Variants in HEATR1 observed in about 807,000 individuals in gnomAD.
HEATR1 encodes the protein HEAT repeat-containing protein 1.
In HEATR1, 77 loss-of-function variants were observed where a neutral mutation model predicts 248.2. The ratio of observed to expected loss-of-function variants is 0.31; its 90% CI spans 0.26 to 0.37. HEATR1 has a LOEUF of 0.37. Ranked by LOEUF, HEATR1 falls within the 10% of genes least tolerant of loss-of-function variation. The pLI, the probability that HEATR1 is intolerant of heterozygous loss-of-function variation, is 1.00. For missense variants in HEATR1, 2,420 were observed against 2,504.9 expected, an observed-to-expected ratio of 0.97 and a Z score of 0.72; for synonymous variants, 897 against 923.1, an observed-to-expected ratio of 0.97 and a Z score of 0.51.
chr1:236,587,796 C>A, intron 13 of HEATR1, 152 bp downstream of exon 13: 2 of 524,002 alleles, frequency 3.8e-6, no homozygotes. Context: ...GTGAGTTTCT[C>A]CTAACCAGAC....
Position 236,554,756 on chromosome 1 carries a change from T to G in HEATR1, c.5924-4A>C. The G allele has an allele frequency of 6.2e-7, 1 of 1,607,880 alleles. No homozygotes were observed. Among genetic ancestry groups the G allele is most frequent in the Non-Finnish European group, 8.5e-7 (1 of 1,178,308 alleles). On this transcript the variant is annotated splice_region_variant and splice_polypyrimidine_tract_variant and intron_variant, in intron 41 of 44. Transcript: ENST00000366582. Reference sequence around the variant, plus strand: ...TCAGAGTCAAAAAATGCTTCATCTGTAGACGTGGGAAGAGTAAAAATGAAA... The same window carrying G: ...TCAGAGTCAAAAAATGCTTCATCTGGAGACGTGGGAAGAGTAAAAATGAAA...
Position 236,564,492 on chromosome 1 carries a change from C to T in HEATR1, c.4599+6G>A, listed in dbSNP as rs769744878. 6.2e-7 allele frequency: 1 copy of T among 1,612,174 alleles called. No individual in the cohort carries two copies. The highest frequency in any genetic ancestry group is 8.5e-7 in the Non-Finnish European group (1 of 1,179,436). On this transcript the variant is annotated splice_donor_region_variant and intron_variant, in intron 32 of 44. Coordinates refer to ENST00000366582, the MANE Select transcript of HEATR1 (RefSeq NM_018072.6). The stretch of plus-strand genomic sequence containing the variant: ...TTTTTATAAACACATTTAAAGAACA[C>T]ATTACCTTTTTCAGAAAATTATTGG...
chr1:236,598,975 T>C (rs1486309029), intron 4 of HEATR1, among the ~76,000 whole-genome samples: 1 of 152,230 alleles, frequency 6.6e-6, no homozygotes, highest in African/African-American at 2.4e-5. Context: ...CTTTTCTTAG[T>C]CTGTAAATTA....
In HEATR1 at chr1:236,595,584, T is replaced by C. The variant is rs761957349; in HGVS notation, c.1046A>G (p.Tyr349Cys). The C allele has an allele frequency of 1.9e-5, 30 of 1,611,142 alleles. No individual in the cohort carries two copies. Among genetic ancestry groups the C allele is most frequent in the Admixed American group, 1.0e-4 (6 of 60,000 alleles). ...GGAGACGACCAGATGGGGAAGCATG[T>C]AATGCAGAAGAGGACTGACATCGTA... ...ETYDVSPLLH[Y>C]MLPHLVVSII... is the part of the protein sequence containing the mutation. Residue 349 changes from tyrosine to cysteine, a missense_variant, in exon 8 of 45, where the codon TAC becomes TGC. By Grantham distance (194) the Tyr-to-Cys change is radical (BLOSUM62 -2). Coordinates refer to ENST00000366582, the MANE Select transcript of HEATR1 (RefSeq NM_018072.6).
chr1:236,551,349 A>G (rs994646777), intron 44 of HEATR1: 3 of 203,978 alleles, frequency 1.5e-5, no homozygotes, highest in Non-Finnish European at 3.0e-5. Context: ...GGACTGATCT[A>G]CTTGCTCCAC....
chr1:236,574,710 T>C lies in HEATR1; in HGVS notation c.3278A>G (p.Lys1093Arg). The change falls in exon 23 of 45, where the codon AAG (lysine) becomes AGG (arginine). Residue 1093 changes from lysine (K) to arginine (R), a missense_variant. Physicochemically the swap from Lys to Arg is conservative, Grantham distance 26 (BLOSUM62 2). Coordinates refer to ENST00000366582, the MANE Select transcript of HEATR1 (RefSeq NM_018072.6). ...DIFIKAVHTT[K>R]ELYAGMPTIQ... ...GGTTGGCATTCCCGCGTAAAGTTCCTTTGTTGTGTGCACAGCTTTTATAAA... is the reference window on the plus strand; with the variant it reads ...GGTTGGCATTCCCGCGTAAAGTTCCCTTGTTGTGTGCACAGCTTTTATAAA... 6.2e-7 allele frequency: 1 copy of C among 1,614,026 alleles called. No homozygotes were observed. The highest frequency in any genetic ancestry group is 8.5e-7 in the Non-Finnish European group (1 of 1,179,898).
intron 32 of HEATR1, among the ~76,000 whole-genome samples, chr1:236,563,895 G>A (rs1205976068): frequency 2.0e-5 from 3 of 152,160 alleles, no homozygotes; most frequent in Non-Finnish European, 4.4e-5. Context: ...TGGGAGGATC[G>A]CTTGAGGCCA....
At chr1:236,559,176 AT>A in intron 34 of HEATR1, 41 bp from the exon 35 acceptor site, 1 of 1,504,382 alleles carries the variant, frequency 6.6e-7, no homozygotes, top group Non-Finnish European at 8.9e-7. Flanking sequence ...AGAAAAACAA[AT>A]TAAAAAAAAA....
In HEATR1 at chr1:236,565,960, T is replaced by C; in HGVS notation, c.4394A>G (p.Asn1465Ser). 2 of 1,614,020 alleles carry C rather than the reference T, an allele frequency of 1.2e-6. No homozygotes were observed. Among genetic ancestry groups the C allele is most frequent in the African/African-American group, 1.3e-5 (1 of 75,068 alleles). The change falls in exon 31 of 45, where the codon AAT becomes AGT. Residue 1465 changes from asparagine to serine, a missense_variant. Asn to Ser is a conservative substitution (Grantham distance 46). Coordinates refer to ENST00000366582, the MANE Select transcript of HEATR1 (RefSeq NM_018072.6). ...CAGCTTTAGTAAGTACTGGAGGATA[T>C]TCATCAAGCTTTGTATCTGATGCTG... ...SVQHQIQSLMNILQYLLKLPE... is the reference protein window; with the variant it reads ...SVQHQIQSLMSILQYLLKLPE...
chr1:236,586,037 AG>A (rs2103146149), intron 15 of HEATR1, 96 bp from the exon 16 acceptor site: 1 of 1,468,286 alleles, frequency 6.8e-7, no homozygotes, highest in Admixed American at 2.0e-5. Context: ...TTGTTTATGA[AG>A]GTTTGCTTTC....
At chr1:236,574,531 G>A (rs923878098) in intron 23 of HEATR1, 130 bp downstream of exon 23, 49 of 1,263,890 alleles carry the variant, frequency 3.9e-5, no homozygotes, top group African/African-American at 1.1e-4. Context: ...CCTTTAAAAC[G>A]TCTAGTCCAC....
rs1419565952 is a variant in HEATR1, at chr1:236,574,897, G to T, written c.3091C>A (p.Leu1031Ile). 4.3e-6 allele frequency: 7 copies of T among 1,612,582 alleles called. No individual in the cohort carries two copies. The South Asian group carries it at 7.7e-5, about 18-fold the overall frequency. Reference protein sequence around the residue: ...VLQGVNGEMVLSQLLPMAEQL... With the variant: ...VLQGVNGEMVISQLLPMAEQL... ...TCAGCCATAGGCAATAGCTGAGAAA[G>T]CACCATCTAAAGATCCAAAGACTTA... Residue 1031 changes from leucine to isoleucine, a missense_variant, in exon 23 of 45, where the codon CTT becomes ATT. Coordinates refer to ENST00000366582, the MANE Select transcript of HEATR1 (RefSeq NM_018072.6).
chr1:236,550,818 G>T lies in HEATR1; in HGVS notation c.*84C>A. The T allele has an allele frequency of 1.9e-6, 2 of 1,056,316 alleles. No homozygotes were observed. Among genetic ancestry groups the T allele is most frequent in the Non-Finnish European group, 1.4e-6 (1 of 716,946 alleles). The allele number at this position is 1,056,316 out of a possible 1,614,324, so 65.4% of individuals were successfully genotyped here. A position where few individuals can be genotyped will look rare whatever the true frequency, so the allele number is the denominator to read the frequency against. On this transcript the variant is annotated 3_prime_UTR_variant, in exon 45 of 45. Transcript: ENST00000366582. ...AAGTAGGTGTATTAAGGCACCAAAA[G>T]TAACATGGCACCCAACACCCAAAAA...
chr1:236,603,177 C>T lies in HEATR1; in HGVS notation c.342G>A (p.Leu114=), dbSNP rs1190648937. 3 of 1,613,578 alleles carry T rather than the reference C, an allele frequency of 1.9e-6. No individual in the cohort carries two copies. Among genetic ancestry groups the T allele is most frequent in the Non-Finnish European group, 2.5e-6 (3 of 1,179,526 alleles). The change falls in exon 3 of 45, where the codon CTG becomes CTA. Residue 114 remains leucine (L), a synonymous_variant. Coordinates refer to ENST00000366582, the MANE Select transcript of HEATR1 (RefSeq NM_018072.6). ...YFLLKPAQKC[L]EWLIHRFHIH... is the part of the protein sequence containing the mutation. ...TTAGCTACCTGTGAATCAACCACTC[C>T]AGACACTTCTGTGCTGGCTTAAGCA... is the stretch of plus-strand genomic sequence containing the variant.
chr1:236,562,739 T>C (rs1039206419), intron 32 of HEATR1, among the ~76,000 whole-genome samples: 7 of 107,884 alleles, frequency 6.5e-5, no homozygotes, highest in Non-Finnish European at 9.3e-5. Flanking sequence ...GTGAGGCTTC[T>C]TCATGCGTAA....
chr1:236,549,816 G>A lies in HEATR1; in HGVS notation c.*1086C>T, dbSNP rs1190016620. Reference sequence around the variant, plus strand: ...AGTCTTAAGTTCATTTTCATTTTACGTGGAGGAAAAAAATTTAAAAAGCTA... The same window carrying A: ...AGTCTTAAGTTCATTTTCATTTTACATGGAGGAAAAAAATTTAAAAAGCTA... On this transcript the variant is annotated 3_prime_UTR_variant, in exon 45 of 45. Coordinates refer to ENST00000366582, the MANE Select transcript of HEATR1 (RefSeq NM_018072.6). 3.9e-5 allele frequency: 6 copies of A among 152,180 alleles called. No individual in the cohort carries two copies. Among genetic ancestry groups the A allele is most frequent in the Admixed American group, 6.5e-5 (1 of 15,294 alleles). The allele number at this position is 152,180 out of a possible 1,614,324, so 9.4% of individuals were successfully genotyped here.
At chr1:236,596,684 A>G in intron 6 of HEATR1, 152 bp downstream of exon 6, 1 of 692,422 alleles carries the variant, frequency 1.4e-6, no homozygotes, top group Non-Finnish European at 2.3e-6. Flanking sequence ...TTCTAATAAA[A>G]AAGTGTCATA....
Position 236,549,098 on chromosome 1 carries a change from C to T in HEATR1, c.*1804G>A, listed in dbSNP as rs1000831805. On this transcript the variant is annotated 3_prime_UTR_variant, in exon 45 of 45. Coordinates refer to ENST00000366582, the MANE Select transcript of HEATR1 (RefSeq NM_018072.6). Reference sequence around the variant, plus strand: ...GGCACTATCAGAAAGTGTACGCCAACTAAGGGACCCACAAAGCAGGCAGAG... The same window carrying T: ...GGCACTATCAGAAAGTGTACGCCAATTAAGGGACCCACAAAGCAGGCAGAG... The T allele has an allele frequency of 6.0e-5, 24 of 397,902 alleles. No individual in the cohort carries two copies. The highest frequency in any genetic ancestry group is 6.2e-5 in the Non-Finnish European group (14 of 225,780). The allele number at this position is 397,902 out of a possible 1,614,324, so 24.6% of individuals were successfully genotyped here.
chr1:236,573,666 G>C (rs1163747222), intron 24 of HEATR1, among the ~76,000 whole-genome samples: 1 of 151,628 alleles, frequency 6.6e-6, no homozygotes, highest in Admixed American at 6.6e-5. Flanking sequence ...AGAAAAAGAA[G>C]GAAAAAAGAT....
Sources: allele counts gnomAD v4.1 joint callset (sites outside exome capture counted in the v4.1 genomes callset), GRCh38; gene constraint gnomAD v4.1.1; transcripts MANE v1.5; gene names NCBI Gene and HGNC (gene_info 2026-07-23, HGNC 2026-07-21).